The following FHIT variants were observed in gnomAD, a reference collection of about 807,000 sequenced individuals.
FHIT encodes bis(5'-adenosyl)-triphosphatase.
A neutral mutation model predicts 17.9 loss-of-function variants in FHIT; 19 were observed. The ratio of observed to expected loss-of-function variants is 1.06; its 90% CI spans 0.74 to 1.56. The LOEUF (loss-of-function observed/expected upper bound fraction) is 1.56. Among genes scored for constraint, FHIT ranks in the 40% most tolerant of loss-of-function variants. FHIT has a pLI of 0.00. For synonymous variants in FHIT, 81 were observed against 69.7 expected, an observed-to-expected ratio of 1.16 and a Z score of -0.81; for missense variants, 248 against 189.2, an observed-to-expected ratio of 1.31 and a Z score of -1.82.
At chr3:61,142,075 A>G (rs2037099210) in intron 2 of FHIT, among the ~76,000 whole-genome samples, 1 of 151,380 alleles carries the variant, frequency 6.6e-6, no homozygotes, top group African/African-American at 2.4e-5. Flanking sequence ...CTTTTTACAG[A>G]AATGGCTCAT....
At chr3:60,628,596 T>G (rs1553681648) in intron 4 of FHIT, among the ~76,000 whole-genome samples, 1 of 152,178 alleles carries the variant, frequency 6.6e-6, no homozygotes, top group African/African-American at 2.4e-5. Flanking sequence ...TTCAGGCCAA[T>G]TTTTCGTTAC....
At chr3:60,580,420 TATG>T (rs1553659355) in intron 4 of FHIT, among the ~76,000 whole-genome samples, 2 of 152,228 alleles carry the variant, frequency 1.3e-5, no homozygotes, top group East Asian at 3.9e-4. Flanking sequence ...ATACCTAAAT[TATG>T]ATGATAGGAA....
intron 4 of FHIT, among the ~76,000 whole-genome samples, chr3:60,695,413 A>G (rs1312481114): frequency 6.6e-6 from 1 of 152,206 alleles, no homozygotes; most frequent in Non-Finnish European, 1.5e-5. Flanking sequence ...ACAACAAAAA[A>G]GAAATATATA....
intron 5 of FHIT, among the ~76,000 whole-genome samples, chr3:60,131,113 A>T (rs1699579185): frequency 6.9e-6 from 1 of 144,854 alleles, no homozygotes; most frequent in South Asian, 2.3e-4. Flanking sequence ...ACAAACCCAC[A>T]GTCATCCCTT....
intron 2 of FHIT, among the ~76,000 whole-genome samples, chr3:61,103,206 A>C (rs955926598): frequency 3.3e-5 from 5 of 151,922 alleles, no homozygotes; most frequent in African/African-American, 4.8e-5. Flanking sequence ...TATAAATTTC[A>C]CTCTACACAC....
At chr3:59,789,750 C>T (rs535852179) in intron 8 of FHIT, among the ~76,000 whole-genome samples, 1 of 152,162 alleles carries the variant, frequency 6.6e-6, no homozygotes, top group African/African-American at 2.4e-5. Context: ...TTTTCAGGGC[C>T]CCTAACTCAT....
At chr3:60,271,440 T>C (rs1460772254) in intron 5 of FHIT, among the ~76,000 whole-genome samples, 1 of 152,090 alleles carries the variant, frequency 6.6e-6, no homozygotes, top group Non-Finnish European at 1.5e-5. Flanking sequence ...CCCATTAGCA[T>C]AGACAAAGAG....
chr3:61,160,084 C>T (rs2886377), intron 2 of FHIT, among the ~76,000 whole-genome samples: 66,157 of 151,980 alleles, frequency 0.44, 15,352 homozygotes, highest in East Asian at 0.86. Flanking sequence ...AATCACCAGG[C>T]TTTTCATTCC....
intron 1 of FHIT, 150 bp from the exon 2 acceptor site, chr3:61,200,815 G>C (rs141168938): frequency 6.6e-6 from 1 of 151,998 alleles, no homozygotes; most frequent in African/African-American, 2.4e-5. Context: ...CATACCTCCC[G>C]CACAAGAGGC....
At chr3:60,551,295 A>T (rs1336814457) in intron 4 of FHIT, among the ~76,000 whole-genome samples, 3 of 150,306 alleles carry the variant, frequency 2.0e-5, no homozygotes, top group Non-Finnish European at 4.4e-5. Context: ...CAGGGTCTAA[A>T]TTTGACTTTC....
chr3:60,868,277 A>G lies in FHIT; in HGVS notation c.-110-46266T>C, dbSNP rs549153814. Among the ~76,000 whole-genome samples the G allele has an allele frequency of 1.1e-4, 17 of 152,244 alleles. 1 individual carries two copies. The South Asian group carries it at 3.1e-3, about 28-fold the overall frequency. The stretch of plus-strand genomic sequence containing the variant: ...GTATTTCATAACCTCTAAACCTAAC[A>G]TGAGTCCTGTGAAACCCTAGTCTAC... On this transcript the variant is annotated intron_variant, in intron 3 of 9. Transcript: ENST00000492590.
At chr3:60,698,260 T>A (rs2041159379) in intron 4 of FHIT, among the ~76,000 whole-genome samples, 1 of 151,634 alleles carries the variant, frequency 6.6e-6, no homozygotes, top group Admixed American at 6.6e-5. Flanking sequence ...AGGTTCAGCA[T>A]AGATACAGCA....
chr3:60,868,473 T>C (rs1322489829), intron 3 of FHIT, among the ~76,000 whole-genome samples: 2 of 152,162 alleles, frequency 1.3e-5, no homozygotes, highest in African/African-American at 4.8e-5. Flanking sequence ...CCTAGTTGTT[T>C]GTGCCTTATT....
chr3:60,530,991 C>T (rs1559516858), intron 5 of FHIT, among the ~76,000 whole-genome samples: 1 of 152,158 alleles, frequency 6.6e-6, no homozygotes, highest in Admixed American at 6.6e-5. Flanking sequence ...ACAGTCACTG[C>T]TAAATGCATG....
chr3:60,095,811 T>C (rs1703924940), intron 5 of FHIT, among the ~76,000 whole-genome samples: 1 of 152,178 alleles, frequency 6.6e-6, no homozygotes, highest in South Asian at 2.1e-4. Flanking sequence ...AACCACCTTG[T>C]TTAAAAGACA....
intron 3 of FHIT, among the ~76,000 whole-genome samples, chr3:60,861,929 C>G (rs952039126): frequency 3.3e-5 from 4 of 122,014 alleles, no homozygotes; most frequent in African/African-American, 9.8e-5. Flanking sequence ...GGCAACAGAC[C>G]AAGACTCGGT....
intron 5 of FHIT, among the ~76,000 whole-genome samples, chr3:60,109,213 T>C (rs1226427991): frequency 2.0e-5 from 3 of 152,266 alleles, no homozygotes; most frequent in East Asian, 3.9e-4. Flanking sequence ...CCCCATCTCA[T>C]ATATTAAAAT....
chr3:60,930,170 A>C (rs1553771294), intron 3 of FHIT, among the ~76,000 whole-genome samples: 1 of 152,008 alleles, frequency 6.6e-6, no homozygotes, highest in Non-Finnish European at 1.5e-5. Flanking sequence ...CATATGTAGA[A>C]AGCTGAAACT....
intron 4 of FHIT, among the ~76,000 whole-genome samples, chr3:60,646,215 C>T (rs549146156): frequency 6.6e-6 from 1 of 152,284 alleles, no homozygotes; most frequent in South Asian, 2.1e-4. Context: ...AGTGAACTAG[C>T]AAATTCCTAC....
Sources: gnomAD v4.1 joint callset for allele counts (sites outside exome capture counted in the v4.1 genomes callset) on GRCh38, gnomAD v4.1.1 for gene constraint, MANE v1.5 for transcripts, NCBI Gene and HGNC (gene_info 2026-07-23, HGNC 2026-07-21) for gene names.